The following PFKFB3 variants were observed in gnomAD, a reference collection of about 807,000 sequenced individuals.
The protein encoded by PFKFB3 is 6-phosphofructo-2-kinase/fructose-2,6-biphosphatase 3.
A neutral mutation model predicts 68.0 loss-of-function variants in PFKFB3; 33 were observed. The ratio of observed to expected loss-of-function variants is 0.49; its 90% confidence interval spans 0.37 to 0.65. PFKFB3 has a LOEUF of 0.65. Ranked by LOEUF, PFKFB3 falls within the 30% of genes least tolerant of loss-of-function variation. The pLI is 0.00. For missense variants in PFKFB3, 586 were observed against 712.2 expected, an observed-to-expected ratio of 0.82 and a Z score of 2.02; for synonymous variants, 315 against 288.2, an observed-to-expected ratio of 1.09 and a Z score of -0.94.
chr10:6,258,166 G>A (rs1051949174), downstream of PFKFB3, among the ~76,000 whole-genome samples: 4 of 152,156 alleles, frequency 2.6e-5, no homozygotes, highest in Middle Eastern at 3.2e-3. Flanking sequence ...CTACTGAGCA[G>A]CATATATATT....
At chr10:6,285,211 G>C in the PFKFB3 span, among the ~76,000 whole-genome samples, 4 of 151,658 alleles carry the variant, frequency 2.6e-5, no homozygotes, top group Admixed American at 2.6e-4. Flanking sequence ...CAATACACAA[G>C]TGCTACAATC....
chr10:6,248,015 A>G (rs1846296437), intron 14 of PFKFB3, among the ~76,000 whole-genome samples: 2 of 152,236 alleles, frequency 1.3e-5, no homozygotes, highest in African/African-American at 2.4e-5. Context: ...TAAATCAGGT[A>G]ACAATGGCTG....
intron 14 of PFKFB3, among the ~76,000 whole-genome samples, chr10:6,241,036 C>T (rs998008015): frequency 6.6e-6 from 1 of 152,078 alleles, no homozygotes; most frequent in Non-Finnish European, 1.5e-5. Context: ...TCCCAAGTAG[C>T]TGGGATTACA....
At chr10:6,323,421 GC>G in the PFKFB3 span, among the ~76,000 whole-genome samples, 2 of 152,178 alleles carry the variant, frequency 1.3e-5, no homozygotes, top group African/African-American at 2.4e-5. Context: ...CTGCTCACAG[GC>G]TAGTGTCTTT....
Position 6,228,218 on chromosome 10 carries a change from T to A in PFKFB3, c.1515+1853T>A, listed in dbSNP as rs1460121320. 7 of 1,612,782 alleles carry A rather than the reference T, an allele frequency of 4.3e-6. 1 individual carries two copies. The South Asian group carries it at 7.7e-5, about 18-fold the overall frequency. On this transcript the variant is annotated intron_variant, in intron 14 of 14. Transcript: ENST00000379775. This position sits in a 1 kb window ranked among gnomAD's most constrained non-coding sequence, Gnocchi z 4.5. The stretch of plus-strand genomic sequence containing the variant: ...CAGCCTTTGCTAGGGCAAGCCTGTC[T>A]GTAAGTATCTCTCCGATCATCGCTG...
At chr10:6,177,411 C>CTTTCTTTCTTTCTTCTTTCTTTCTTTCT (rs1564599711) in intron 1 of PFKFB3, among the ~76,000 whole-genome samples, 1 of 41,822 alleles carries the variant, frequency 2.4e-5, no homozygotes, top group Non-Finnish European at 5.0e-5. Flanking sequence ...TTTCTTTCTT[C>CTTTCTTTCTTTCTTCTTTCTTTCTTTCT]TTTCTCTTTC....
the PFKFB3 span, among the ~76,000 whole-genome samples, chr10:6,263,135 C>A: frequency 6.6e-6 from 1 of 152,200 alleles, no homozygotes; most frequent in Non-Finnish European, 1.5e-5. Flanking sequence ...TTATTAACAG[C>A]AAGCCAGTCC....
the PFKFB3 span, among the ~76,000 whole-genome samples, chr10:6,296,095 T>C: frequency 2.0e-5 from 3 of 152,380 alleles, no homozygotes; most frequent in African/African-American, 7.2e-5. Context: ...GTGACCTCAA[T>C]TCTCTGATGG....
At chr10:6,161,299 T>C (rs988510032) in intron 1 of PFKFB3, among the ~76,000 whole-genome samples, 1 of 152,074 alleles carries the variant, frequency 6.6e-6, no homozygotes, top group African/African-American at 2.4e-5. Context: ...CCTCTGCAAG[T>C]TCCCCCTGCC....
chr10:6,294,243 G>A, the PFKFB3 span: 1 of 529,970 alleles, frequency 1.9e-6, no homozygotes. Flanking sequence ...TGCTGGGTTG[G>A]CAGGGTTTGC....
chr10:6,147,178 A>G (rs547682161), intron 1 of PFKFB3, among the ~76,000 whole-genome samples: 2 of 152,370 alleles, frequency 1.3e-5, no homozygotes, highest in African/African-American at 4.8e-5. Context: ...TGTGAGGGAC[A>G]GCACGGCACG....
chr10:6,163,711 GC>G lies in PFKFB3; in HGVS notation c.16+18700del, dbSNP rs368834510. On this transcript the variant is annotated intron_variant, in intron 1 of 14. Coordinates refer to the PFKFB3 transcript ENST00000379789. ...GCGTGGCGGGACCGGCGGGGGCGGG[GC>G]CTGGGGGTGGTCCGCGCGGATTGGC... The G allele has an allele frequency of 1.2e-4, 18 of 152,044 alleles. No individual in the cohort carries two copies. In the East Asian group the frequency reaches 1.9e-3, roughly 16 times the overall value. 9.4% of individuals were successfully genotyped at this position (152,044 alleles called of 1,614,324 possible). A position where few individuals can be genotyped will look rare whatever the true frequency, so the allele number is the denominator to read the frequency against.
the PFKFB3 span, among the ~76,000 whole-genome samples, chr10:6,300,220 C>T: frequency 6.6e-6 from 1 of 151,970 alleles, no homozygotes; most frequent in East Asian, 1.9e-4. Flanking sequence ...TCTTTAAAGC[C>T]TCCCTGTGTG....
At chr10:6,158,106 A>G (rs1051490613) in intron 1 of PFKFB3, among the ~76,000 whole-genome samples, 6 of 151,726 alleles carry the variant, frequency 4.0e-5, no homozygotes. Context: ...TAACATGGTG[A>G]AACCCTGCCT....
chr10:6,175,839 G>A (rs1344295502), intron 1 of PFKFB3, among the ~76,000 whole-genome samples: 4 of 152,178 alleles, frequency 2.6e-5, no homozygotes, highest in African/African-American at 9.7e-5. Flanking sequence ...AGTTAGAGTG[G>A]CTAACAAGAA....
At position 6,229,286 on chromosome 10, in the gene PFKFB3, G is replaced by T; in HGVS notation, c.1515+2921G>T. 1 of 420,432 alleles carries T rather than the reference G, an allele frequency of 2.4e-6. No individual in the cohort carries two copies. 26.0% of individuals were successfully genotyped at this position (420,432 alleles called of 1,614,324 possible). A position where few individuals can be genotyped will look rare whatever the true frequency, so the allele number is the denominator to read the frequency against. On this transcript the variant is annotated intron_variant, in intron 14 of 14. Coordinates refer to ENST00000379775, the MANE Select transcript of PFKFB3 (RefSeq NM_004566.4). This position sits in a 1 kb window ranked among gnomAD's most constrained non-coding sequence, Gnocchi z 4.3. ...TTAAGACCACCCTGGGAGGTCGGCAGGGCAGTCAGTCCCCCGTTTAATGGT... is the reference window on the plus strand; with the variant it reads ...TTAAGACCACCCTGGGAGGTCGGCATGGCAGTCAGTCCCCCGTTTAATGGT...
At chr10:6,147,375 C>T (rs933035459) in intron 1 of PFKFB3, among the ~76,000 whole-genome samples, 3 of 152,238 alleles carry the variant, frequency 2.0e-5, no homozygotes, top group Non-Finnish European at 4.4e-5. Flanking sequence ...CCATCCTCTG[C>T]GGGCTGGAAG....
chr10:6,210,356 G>GTTTTT (rs762723368), intron 1 of PFKFB3, among the ~76,000 whole-genome samples: 3 of 44,476 alleles, frequency 6.7e-5, no homozygotes, highest in African/African-American at 1.4e-4. Flanking sequence ...GTTTTTTTTT[G>GTTTTT]TTTTTTTGTT....
intron 1 of PFKFB3, among the ~76,000 whole-genome samples, chr10:6,190,226 G>A (rs1044078216): frequency 6.6e-6 from 1 of 152,150 alleles, no homozygotes; most frequent in South Asian, 2.1e-4. Flanking sequence ...TTACAGGCGT[G>A]AGCCACCACG....
Sources: allele counts gnomAD v4.1 joint callset (sites outside exome capture counted in the v4.1 genomes callset), GRCh38; gene constraint gnomAD v4.1.1; non-coding constraint Gnocchi (gnomAD v3.1); transcripts MANE v1.5; gene names NCBI Gene and HGNC (gene_info 2026-07-23, HGNC 2026-07-21).